The following NFIC variants were observed in gnomAD, a reference collection of about 807,000 sequenced individuals.
NFIC encodes nuclear factor I C.
Under a neutral mutation model 54.4 loss-of-function variants are expected in NFIC, and 12 were observed. The observed-to-expected ratio is 0.22, with a 90% CI of 0.14 to 0.36. The LOEUF (loss-of-function observed/expected upper bound fraction) is 0.36, where lower values mean the gene tolerates loss of function less well. Ranked by LOEUF, NFIC falls within the 10% of genes least tolerant of loss-of-function variation. NFIC has a pLI of 1.00. For synonymous variants in NFIC, 322 were observed against 319.2 expected (o/e 1.01, Z -0.09); for missense variants, 575 against 718.2 (o/e 0.80, Z 2.28).
intron 2 of NFIC, among the ~76,000 whole-genome samples, chr19:3,404,267 G>C (rs1369599924): frequency 6.6e-6 from 1 of 151,772 alleles, no homozygotes. Context: ...GTTATTTTCA[G>C]TCCACTCCCC....
At position 3,449,115 on chromosome 19, in the gene NFIC, C is replaced by G; in HGVS notation, c.1060C>G (p.Arg354Gly). ...CCTCTCCAGCTTCACCCAGCACCAC[C>G]GGCCCGTCATCGCCGTGCACAGCGG... ...PRLSSFTQHHRPVIAVHSGIA... is the reference protein window; with the variant it reads ...PRLSSFTQHHGPVIAVHSGIA... Residue 354 changes from arginine (R) to glycine (G), a missense_variant, in exon 7 of 11, where the codon CGG becomes GGG. Physicochemically the swap from Arg to Gly is moderately radical, Grantham distance 125. Transcript: ENST00000443272. 1 of 1,613,652 alleles carries G rather than the reference C, an allele frequency of 6.2e-7. No homozygotes were observed. The highest frequency in any genetic ancestry group is 8.5e-7 in the Non-Finnish European group (1 of 1,179,774).
At chr19:3,445,885 G>A (rs1294478542) in intron 6 of NFIC, among the ~76,000 whole-genome samples, 1 of 152,178 alleles carries the variant, frequency 6.6e-6, no homozygotes, top group Non-Finnish European at 1.5e-5. Context: ...CATCCTCACC[G>A]TTTCTCATCA....
rs2082489369 is a variant in NFIC, at chr19:3,452,841, T to G, written c.1269+175T>G. On this transcript the variant is annotated intron_variant, in intron 8 of 10. Coordinates refer to ENST00000443272, the MANE Select transcript of NFIC (RefSeq NM_001245002.2). The surrounding 1 kb of genome is among the most constrained non-coding windows in gnomAD (Gnocchi z 5.3). ...CTGGATTGGGTCAGAATTGAGATGCTTTCGGATGTCAGGGTTTCGGGCGCA... is the reference window on the plus strand; with the variant it reads ...CTGGATTGGGTCAGAATTGAGATGCGTTCGGATGTCAGGGTTTCGGGCGCA... 6.6e-6 allele frequency among the ~76,000 whole-genome samples: 1 copy of G among 152,310 alleles called. No homozygotes were observed. The highest frequency in any genetic ancestry group is 6.5e-5 in the Admixed American group (1 of 15,298).
In NFIC at chr19:3,453,269, G is replaced by C. The variant is rs1166785963; in HGVS notation, c.1270-494G>C. Among the ~76,000 whole-genome samples, 1 of 152,016 alleles carries C rather than the reference G, an allele frequency of 6.6e-6. No individual in the cohort carries two copies. Among genetic ancestry groups the C allele is most frequent in the Non-Finnish European group, 1.5e-5 (1 of 67,998 alleles). On this transcript the variant is annotated intron_variant, in intron 8 of 10. Transcript: ENST00000443272. The surrounding 1 kb of genome is among the most constrained non-coding windows in gnomAD (Gnocchi z 6.7). ...GAAAAAAAAGGTTGGGGGGCGGGGG[G>C]CAGGAAGACATTGATTACAAAAAAA...
chr19:3,378,090 C>CAAA (rs995187992), intron 1 of NFIC, among the ~76,000 whole-genome samples: 5 of 150,660 alleles, frequency 3.3e-5, no homozygotes, highest in African/African-American at 1.2e-4. Flanking sequence ...ACTAAAAATA[C>CAAA]AAAAATTAGC....
At chr19:3,437,033 C>T (rs987575665) in intron 6 of NFIC, among the ~76,000 whole-genome samples, 1 of 152,064 alleles carries the variant, frequency 6.6e-6, no homozygotes, top group Non-Finnish European at 1.5e-5. Context: ...ATGCGACATA[C>T]CCGGGAAACG....
chr19:3,439,974 C>T (rs952049257), intron 6 of NFIC, among the ~76,000 whole-genome samples: 2 of 152,096 alleles, frequency 1.3e-5, no homozygotes, highest in African/African-American at 4.8e-5. Context: ...AGGCGTGAGC[C>T]ACCGCGCCCG....
At chr19:3,406,973 G>C (rs541113093) in intron 2 of NFIC, among the ~76,000 whole-genome samples, 5 of 150,700 alleles carry the variant, frequency 3.3e-5, no homozygotes, top group Non-Finnish European at 7.4e-5. Context: ...CAGGAGGCCT[G>C]TGTGGCTGGA....
chr19:3,416,057 G>A (rs2081848721), intron 2 of NFIC, among the ~76,000 whole-genome samples: 2 of 151,580 alleles, frequency 1.3e-5, no homozygotes, highest in African/African-American at 4.9e-5. Context: ...CGGCTACTTG[G>A]GAAAAGAAGG....
intron 3 of NFIC, among the ~76,000 whole-genome samples, chr19:3,430,454 C>A (rs2082102427): frequency 6.6e-6 from 1 of 151,988 alleles, no homozygotes; most frequent in African/African-American, 2.4e-5. Flanking sequence ...GAACTCTTGA[C>A]CTTAAGTGAT....
chr19:3,371,151 T>C (rs2081001268), intron 1 of NFIC, among the ~76,000 whole-genome samples: 1 of 151,804 alleles, frequency 6.6e-6, no homozygotes, highest in African/African-American at 2.4e-5. Context: ...TGCTATAGAG[T>C]GGTGCCAAAT....
intron 6 of NFIC, among the ~76,000 whole-genome samples, chr19:3,440,210 T>C (rs1285830867): frequency 6.6e-6 from 1 of 152,122 alleles, no homozygotes; most frequent in African/African-American, 2.4e-5. Context: ...GACCATCCTC[T>C]GGGGCGGGGC....
At chr19:3,359,793 C>CCCT in intron 1 of NFIC, 1 of 1,194,920 alleles carries the variant, frequency 8.4e-7, no homozygotes, top group Non-Finnish European at 1.1e-6. Context: ...GGGGGCCGCC[C>CCCT]GGAGGAGGGG....
Position 3,435,119 on chromosome 19 carries a change from C to T in NFIC, c.870C>T (p.Asp290=). Residue 290 remains aspartate, a synonymous_variant, in exon 6 of 11, where the codon GAC becomes GAT. Coordinates refer to ENST00000443272, the MANE Select transcript of NFIC (RefSeq NM_001245002.2). ...KRHKSGSMEE[D]VDTSPGGDYY... is the part of the protein sequence containing the mutation. ...ACAAATCGGGCTCGATGGAGGAAGA[C>T]GTGGACACGAGCCCTGGCGGCGATT... is the stretch of plus-strand genomic sequence containing the variant. The T allele has an allele frequency of 1.2e-6, 2 of 1,605,980 alleles. No individual in the cohort carries two copies. The highest frequency in any genetic ancestry group is 1.1e-5 in the South Asian group (1 of 89,560).
At chr19:3,450,120 C>T (rs1338517700) in intron 7 of NFIC, among the ~76,000 whole-genome samples, 1 of 151,844 alleles carries the variant, frequency 6.6e-6, no homozygotes. Flanking sequence ...TCAAGGCGGG[C>T]GGATTACGAG....
chr19:3,448,870 C>T, intron 6 of NFIC, 144 bp from the exon 7 acceptor site: 3 of 1,311,478 alleles, frequency 2.3e-6, no homozygotes, highest in Non-Finnish European at 3.1e-6. Context: ...GTAATGGGCT[C>T]ACAGCCTCTC....
At chr19:3,429,938 C>A (rs773126448) in intron 3 of NFIC, among the ~76,000 whole-genome samples, 2 of 152,150 alleles carry the variant, frequency 1.3e-5, no homozygotes, top group African/African-American at 2.4e-5. Context: ...GCGCTGTTCT[C>A]GGAGCTTTGC....
chr19:3,368,986 CCT>C (rs1487892809), intron 1 of NFIC, among the ~76,000 whole-genome samples: 3 of 150,048 alleles, frequency 2.0e-5, no homozygotes, highest in East Asian at 2.0e-4. Flanking sequence ...TCTCTCCCCG[CCT>C]CTGTTTCACT....
At chr19:3,418,099 C>CTTTTT (rs778206013) in intron 2 of NFIC, among the ~76,000 whole-genome samples, 6 of 132,450 alleles carry the variant, frequency 4.5e-5, no homozygotes, top group Admixed American at 7.5e-5. Context: ...ATTTTCTTTT[C>CTTTTT]TTTTTTTTTT....
Sources: allele counts gnomAD v4.1 joint callset (sites outside exome capture counted in the v4.1 genomes callset), GRCh38; gene constraint gnomAD v4.1.1; non-coding constraint Gnocchi (gnomAD v3.1); transcripts MANE v1.5; gene names NCBI Gene and HGNC (gene_info 2026-07-23, HGNC 2026-07-21).